Variants in KAZN observed in about 807,000 individuals in gnomAD.
The protein encoded by KAZN is kazrin.
In KAZN, 40 loss-of-function variants were observed where a neutral mutation model predicts 87.4. That is an observed-to-expected ratio of 0.46 (90% CI 0.36 to 0.60). KAZN has a LOEUF of 0.60. KAZN is among the 20% of genes least tolerant of loss of function. KAZN has a pLI of 0.00. For synonymous variants in KAZN, 466 were observed against 458.3 expected (o/e 1.02, Z -0.22); for missense variants, 898 against 1,073.9 (o/e 0.84, Z 2.29).
At chr1:14,467,225 A>G (rs538881271) in intron 2 of KAZN, among the ~76,000 whole-genome samples, 2 of 152,232 alleles carry the variant, frequency 1.3e-5, no homozygotes, top group East Asian at 3.9e-4. Context: ...AAGTTTCTGT[A>G]TACTGTTAAA....
chr1:14,323,980 A>G (rs1366284344), intron 2 of KAZN, among the ~76,000 whole-genome samples: 2 of 151,962 alleles, frequency 1.3e-5, no homozygotes, highest in Non-Finnish European at 2.9e-5. Context: ...TTCCTTTTCT[A>G]TTTGCAAACT....
At chr1:14,798,839 C>A (rs775366562) in intron 1 of KAZN, among the ~76,000 whole-genome samples, 23 of 152,092 alleles carry the variant, frequency 1.5e-4, no homozygotes, top group Non-Finnish European at 2.2e-4. Context: ...CGGCTCACTG[C>A]AGCCTCTGCC....
intron 2 of KAZN, among the ~76,000 whole-genome samples, chr1:14,508,388 G>A (rs1571823188): frequency 6.6e-6 from 1 of 152,146 alleles, no homozygotes; most frequent in Non-Finnish European, 1.5e-5. Context: ...CATTAGGCTC[G>A]CAGATTCTAC....
rs772431818 is a variant in KAZN, at chr1:14,705,072, G to A, written c.226+105849G>A. ...CAGAAATTCATTTTCTCCCAGTTCCGGAGGCTGAAGGTCCAAGATCAAGGT... is the reference window on the plus strand; with the variant it reads ...CAGAAATTCATTTTCTCCCAGTTCCAGAGGCTGAAGGTCCAAGATCAAGGT... On this transcript the variant is annotated intron_variant, in intron 1 of 14. Transcript: ENST00000376030. Among the ~76,000 whole-genome samples the A allele has an allele frequency of 3.1e-4, 47 of 152,246 alleles. 1 individual carries two copies. Among genetic ancestry groups the A allele is most frequent in the Middle Eastern group, 3.4e-3 (1 of 294 alleles).
intron 2 of KAZN, among the ~76,000 whole-genome samples, chr1:14,484,137 C>T (rs556131807): frequency 6.6e-6 from 1 of 152,234 alleles, no homozygotes; most frequent in Non-Finnish European, 1.5e-5. Flanking sequence ...TGTTCTTATG[C>T]CAGTACGATG....
chr1:14,506,327 C>A (rs750052281), intron 2 of KAZN, among the ~76,000 whole-genome samples: 1 of 152,180 alleles, frequency 6.6e-6, no homozygotes, highest in Non-Finnish European at 1.5e-5. Flanking sequence ...CCCATGGTGA[C>A]TTAATCACAT....
intron 2 of KAZN, among the ~76,000 whole-genome samples, chr1:14,208,203 G>T (rs1298220439): frequency 1.3e-5 from 2 of 152,192 alleles, no homozygotes; most frequent in African/African-American, 4.8e-5. Context: ...AGGAGACAAA[G>T]GCTAATGGTT....
At chr1:14,591,468 G>C (rs1676199581) in intron 2 of KAZN, among the ~76,000 whole-genome samples, 1 of 150,802 alleles carries the variant, frequency 6.6e-6, no homozygotes, top group Non-Finnish European at 1.5e-5. Context: ...GATTCAAGGA[G>C]GGAAAAAAAT....
chr1:14,199,363 C>A (rs1407672936), intron 2 of KAZN, among the ~76,000 whole-genome samples: 1 of 152,174 alleles, frequency 6.6e-6, no homozygotes, highest in East Asian at 1.9e-4. Context: ...GCTCTCTGTC[C>A]ACACTTTGCA....
At chr1:14,787,731 G>A (rs1645550590) in intron 1 of KAZN, among the ~76,000 whole-genome samples, 1 of 152,094 alleles carries the variant, frequency 6.6e-6, no homozygotes, top group African/African-American at 2.4e-5. Flanking sequence ...TGGATGACTG[G>A]CGCCCCCTGC....
At chr1:14,876,903 C>A (rs937138191) in intron 1 of KAZN, among the ~76,000 whole-genome samples, 9 of 152,172 alleles carry the variant, frequency 5.9e-5, no homozygotes, top group Non-Finnish European at 2.9e-5. Flanking sequence ...AGTAAGAAAG[C>A]CTTTGGGCAA....
chr1:15,078,915 T>G (rs2100621187), intron 8 of KAZN, among the ~76,000 whole-genome samples: 1 of 152,314 alleles, frequency 6.6e-6, no homozygotes, highest in South Asian at 2.1e-4. Flanking sequence ...ATTAAATCAA[T>G]GCTGCTCGTA....
intron 1 of KAZN, among the ~76,000 whole-genome samples, chr1:14,148,569 A>G (rs1438291638): frequency 6.6e-6 from 1 of 151,552 alleles, no homozygotes; most frequent in African/African-American, 2.4e-5. Context: ...TTTACATGTT[A>G]TTTCCTGTTC....
At chr1:13,947,523 T>C (rs533826244) in intron 1 of KAZN, among the ~76,000 whole-genome samples, 1 of 152,272 alleles carries the variant, frequency 6.6e-6, no homozygotes, top group East Asian at 1.9e-4. Flanking sequence ...ATCAGTGACA[T>C]TGCTTCCTCA....
Position 14,465,852 on chromosome 1 carries a change from C to T in KAZN, c.250-133131C>T, listed in dbSNP as rs114523541. Among the ~76,000 whole-genome samples the T allele has an allele frequency of 1.7e-3, 260 of 152,244 alleles. 1 individual carries two copies. The highest frequency in any genetic ancestry group is 4.9e-3 in the African/African-American group (203 of 41,532). On this transcript the variant is annotated intron_variant, in intron 2 of 16. Coordinates refer to the KAZN transcript ENST00000636203. ...TATATAGTTATGCACCATATAATGA[C>T]ATTTTGGTCAACAACAGACCACATA...
chr1:14,329,297 T>A (rs1656678666), intron 2 of KAZN, among the ~76,000 whole-genome samples: 1 of 151,908 alleles, frequency 6.6e-6, no homozygotes, highest in South Asian at 2.1e-4. Context: ...GCTTGGGGGA[T>A]GTTTGCATCA....
intron 2 of KAZN, among the ~76,000 whole-genome samples, chr1:14,386,307 A>G (rs1661883190): frequency 6.8e-6 from 1 of 146,712 alleles, no homozygotes; most frequent in Admixed American, 6.8e-5. Flanking sequence ...CATTTAGTCC[A>G]TTTACATTTA....
chr1:14,670,361 G>T (rs1366129402), intron 1 of KAZN, among the ~76,000 whole-genome samples: 1 of 149,074 alleles, frequency 6.7e-6, no homozygotes, highest in Non-Finnish European at 1.5e-5. Flanking sequence ...ACAGGTTGCT[G>T]GGTCCCACCC....
intron 2 of KAZN, among the ~76,000 whole-genome samples, chr1:14,216,381 G>GAAGTTCCAGGAA (rs1207800656): frequency 1.3e-5 from 2 of 152,110 alleles, no homozygotes; most frequent in African/African-American, 4.8e-5. Context: ...TTCCTTCCAG[G>GAAGTTCCAGGAA]GTAGTCACTC....
Sources: allele counts gnomAD v4.1 joint callset (sites outside exome capture counted in the v4.1 genomes callset), GRCh38; gene constraint gnomAD v4.1.1; transcripts MANE v1.5; gene names NCBI Gene and HGNC (gene_info 2026-07-23, HGNC 2026-07-21).